Variants in PDE4B observed in about 807,000 individuals in gnomAD.
PDE4B encodes the protein phosphodiesterase 4B, also known as 3',5'-cyclic-AMP phosphodiesterase 4B.
A neutral mutation model predicts 82.2 loss-of-function variants in PDE4B; 20 were observed. The observed-to-expected ratio is 0.24, with a 90% CI of 0.17 to 0.35. PDE4B has a LOEUF of 0.35. PDE4B is among the 10% of genes least tolerant of loss of function. PDE4B has a pLI of 1.00. For synonymous variants in PDE4B, 320 were observed against 318.9 expected, an observed-to-expected ratio of 1.00 and a Z score of -0.04; for missense variants, 655 against 907.2, an observed-to-expected ratio of 0.72 and a Z score of 3.57.
At chr1:66,271,627 T>C (rs1297515021) in intron 7 of PDE4B, among the ~76,000 whole-genome samples, 1 of 152,220 alleles carries the variant, frequency 6.6e-6, no homozygotes, top group Non-Finnish European at 1.5e-5. Context: ...TTTCTTTCTT[T>C]TGCATTTTAG....
At chr1:66,283,406 C>T (rs944132441) in intron 7 of PDE4B, among the ~76,000 whole-genome samples, 1 of 151,126 alleles carries the variant, frequency 6.6e-6, no homozygotes, top group African/African-American at 2.4e-5. Context: ...TATGTCAGTC[C>T]CCTTGTGTCA....
intron 3 of PDE4B, among the ~76,000 whole-genome samples, chr1:66,093,314 T>A (rs1645059197): frequency 6.6e-6 from 1 of 152,086 alleles, no homozygotes; most frequent in Admixed American, 6.6e-5. Flanking sequence ...ATACATTATT[T>A]CATTTAATTC....
chr1:66,041,835 C>CACAA (rs1376809999), intron 3 of PDE4B, among the ~76,000 whole-genome samples: 3 of 150,714 alleles, frequency 2.0e-5, no homozygotes, highest in Middle Eastern at 6.8e-3. Context: ...CACATACACA[C>CACAA]ACACACACAC....
intron 3 of PDE4B, among the ~76,000 whole-genome samples, chr1:66,102,067 C>T (rs1041950342): frequency 2.0e-4 from 31 of 152,058 alleles, no homozygotes; most frequent in African/African-American, 7.5e-4. Context: ...CCAGTTTTCC[C>T]AGCACCATTT....
chr1:66,222,460 T>A (rs1651072361), intron 3 of PDE4B, among the ~76,000 whole-genome samples: 1 of 152,250 alleles, frequency 6.6e-6, no homozygotes. Context: ...CTAGTAAAAG[T>A]TGATTCCTTT....
intron 1 of PDE4B, among the ~76,000 whole-genome samples, chr1:65,909,526 A>C (rs1647063981): frequency 1.3e-5 from 2 of 152,158 alleles, no homozygotes; most frequent in Non-Finnish European, 2.9e-5. Flanking sequence ...AATTATATAA[A>C]GAATATTCTA....
At chr1:65,931,569 A>T (rs1647835109) in intron 3 of PDE4B, among the ~76,000 whole-genome samples, 1 of 152,238 alleles carries the variant, frequency 6.6e-6, no homozygotes, top group African/African-American at 2.4e-5. Flanking sequence ...ATTTGAAATT[A>T]TAATAATAAA....
chr1:66,017,682 CA>C (rs1156365143), intron 3 of PDE4B, among the ~76,000 whole-genome samples: 3 of 152,072 alleles, frequency 2.0e-5, no homozygotes, highest in Non-Finnish European at 4.4e-5. Context: ...TTAAATAAAA[CA>C]AGTCATTTAT....
At chr1:66,072,259 A>G (rs536761351) in intron 3 of PDE4B, among the ~76,000 whole-genome samples, 1 of 152,254 alleles carries the variant, frequency 6.6e-6, no homozygotes, top group Admixed American at 6.5e-5. Flanking sequence ...CTTATTTCTA[A>G]GTAGAATTAA....
At chr1:65,794,838 C>T (rs1163832852) in intron 1 of PDE4B, among the ~76,000 whole-genome samples, 1 of 152,162 alleles carries the variant, frequency 6.6e-6, no homozygotes, top group East Asian at 1.9e-4. Context: ...TATCATCTTT[C>T]TATTTTTCTT....
At chr1:66,088,367 G>A (rs1212707726) in intron 3 of PDE4B, among the ~76,000 whole-genome samples, 1 of 152,072 alleles carries the variant, frequency 6.6e-6, no homozygotes, top group Non-Finnish European at 1.5e-5. Context: ...TATTTAGTCA[G>A]ATAAAGAAGC....
At chr1:66,252,831 C>T (rs985933770) in intron 4 of PDE4B, among the ~76,000 whole-genome samples, 3 of 152,120 alleles carry the variant, frequency 2.0e-5, no homozygotes, top group African/African-American at 7.2e-5. Context: ...CCCAGCTCCT[C>T]AGGAGGCTGA....
chr1:66,143,429 C>T (rs778809452), intron 3 of PDE4B, among the ~76,000 whole-genome samples: 24 of 152,100 alleles, frequency 1.6e-4, no homozygotes, highest in African/African-American at 1.2e-4. Flanking sequence ...AATCTGAGCA[C>T]GGTTGAAGTA....
intron 3 of PDE4B, among the ~76,000 whole-genome samples, chr1:66,038,985 C>T (rs963157650): frequency 6.6e-6 from 1 of 152,002 alleles, no homozygotes. Flanking sequence ...CCTATACTCT[C>T]AGGAAGAGTT....
intron 3 of PDE4B, among the ~76,000 whole-genome samples, chr1:66,172,783 GTA>G (rs1646862291): frequency 9.4e-5 from 1 of 10,604 alleles, no homozygotes; most frequent in Non-Finnish European, 1.5e-4. Context: ...TTCACATTAT[GTA>G]TTATGTATAA....
At chr1:66,298,103 C>T (rs2101830286) in intron 7 of PDE4B, among the ~76,000 whole-genome samples, 1 of 152,236 alleles carries the variant, frequency 6.6e-6, no homozygotes, top group South Asian at 2.1e-4. Flanking sequence ...AATCCTATAG[C>T]ACTGTGCTAA....
At chr1:66,112,182 T>C (rs1645502452) in intron 3 of PDE4B, among the ~76,000 whole-genome samples, 1 of 152,146 alleles carries the variant, frequency 6.6e-6, no homozygotes, top group South Asian at 2.1e-4. Context: ...ACATTAATTT[T>C]TGGAGAACAG....
rs949020050 is a variant in PDE4B, at chr1:65,853,530, C to G, written c.-70-59715C>G. Among the ~76,000 whole-genome samples, 3 of 144,852 alleles carry G rather than the reference C, an allele frequency of 2.1e-5. No homozygotes were observed. In the Admixed American group the frequency reaches 2.1e-4, roughly 10 times the overall value. Reference sequence around the variant, plus strand: ...CATTATTAGCTTATGCATTATAACCCTTTTTTTTTTTTATTTTTGAGACGG... The same window carrying G: ...CATTATTAGCTTATGCATTATAACCGTTTTTTTTTTTTATTTTTGAGACGG... On this transcript the variant is annotated intron_variant, in intron 1 of 16. Transcript: ENST00000341517.
chr1:66,056,553 A>G (rs1474280657), intron 3 of PDE4B, among the ~76,000 whole-genome samples: 2 of 151,842 alleles, frequency 1.3e-5, no homozygotes, highest in Non-Finnish European at 2.9e-5. Flanking sequence ...CTATCTATCT[A>G]TCTATATCCT....
Sources: gnomAD v4.1 joint callset for allele counts (sites outside exome capture counted in the v4.1 genomes callset) on GRCh38, gnomAD v4.1.1 for gene constraint, MANE v1.5 for transcripts, NCBI Gene and HGNC (gene_info 2026-07-23, HGNC 2026-07-21) for gene names.